DYTN: variants seen among roughly 807,000 people sequenced by gnomAD.
DYTN encodes the protein dystrotelin.
DYTN carries 75 observed loss-of-function variants against 69.6 expected under a neutral mutation model. The observed-to-expected ratio is 1.08, with a 90% CI of 0.89 to 1.31. The LOEUF (loss-of-function observed/expected upper bound fraction) is 1.31, where lower values mean the gene tolerates loss of function less well. Among genes scored for constraint, DYTN ranks in the 50% most tolerant of loss-of-function variants. The pLI is 0.00. For missense variants in DYTN, 726 were observed against 688.4 expected, an observed-to-expected ratio of 1.05 and a Z score of -0.61; for synonymous variants, 252 against 249.1, an observed-to-expected ratio of 1.01 and a Z score of -0.11.
At chr2:206,666,166 T>C (rs1699570108) in intron 9 of DYTN, 137 bp from the exon 10 acceptor site, 1 of 1,203,634 alleles carries the variant, frequency 8.3e-7, no homozygotes, top group Admixed American at 2.8e-5. Context: ...TGTTTTTTGT[T>C]GAGATGGAGC....
At chr2:206,700,053 G>T in intron 6 of DYTN, 92 bp downstream of exon 6, 2 of 1,567,172 alleles carry the variant, frequency 1.3e-6, no homozygotes, top group South Asian at 1.1e-5. Flanking sequence ...GCTATGTGGA[G>T]TAATAATAGG....
chr2:206,699,603 C>G (rs946598725), intron 7 of DYTN, 124 bp downstream of exon 7: 2 of 1,218,168 alleles, frequency 1.6e-6, no homozygotes, highest in Non-Finnish European at 2.2e-6. Context: ...AATCATTGAG[C>G]CAAAAAAGTC....
chr2:206,686,008 C>T (rs1699801981), intron 9 of DYTN, among the ~76,000 whole-genome samples: 1 of 149,800 alleles, frequency 6.7e-6, no homozygotes, highest in Admixed American at 6.6e-5. Flanking sequence ...AAAAGCTACA[C>T]ATTTCCAGTG....
chr2:206,702,835 T>C (rs921890873), intron 5 of DYTN, among the ~76,000 whole-genome samples: 2 of 152,192 alleles, frequency 1.3e-5, no homozygotes, highest in African/African-American at 4.8e-5. Flanking sequence ...CATAAAGATT[T>C]TGCGGATGAA....
chr2:206,700,592 A>G (rs1046714885), intron 5 of DYTN, among the ~76,000 whole-genome samples: 3 of 144,036 alleles, frequency 2.1e-5, no homozygotes, highest in Non-Finnish European at 3.0e-5. Flanking sequence ...GAGTTTTAAA[A>G]TATATATACT....
chr2:206,698,125 C>T (rs1328448931), intron 7 of DYTN, among the ~76,000 whole-genome samples: 1 of 152,060 alleles, frequency 6.6e-6, no homozygotes, highest in Non-Finnish European at 1.5e-5. Context: ...TTCAGATTTC[C>T]CCATTGTCCA....
chr2:206,652,064 A>T, intron 11 of DYTN, 143 bp from the exon 12 acceptor site: 3 of 668,508 alleles, frequency 4.5e-6, no homozygotes, highest in Non-Finnish European at 7.5e-6. Flanking sequence ...TTAGCCAGCA[A>T]ATAAGATGGC....
At chr2:206,685,270 T>C (rs945712976) in intron 9 of DYTN, among the ~76,000 whole-genome samples, 9 of 152,116 alleles carry the variant, frequency 5.9e-5, no homozygotes, top group Non-Finnish European at 1.0e-4. Context: ...CAAGCGATCC[T>C]CCCATCTCAG....
At chr2:206,707,639 G>GTCCA in intron 2 of DYTN, 136 bp from the exon 3 acceptor site, 1 of 812,308 alleles carries the variant, frequency 1.2e-6, no homozygotes, top group Non-Finnish European at 1.9e-6. Context: ...AATGAAATAT[G>GTCCA]ACTACTATTT....
rs190761606 is a variant in DYTN at position 206,698,825 on chromosome 2, T to C, written c.719+902A>G. Among the ~76,000 whole-genome samples the C allele has an allele frequency of 3.9e-5, 6 of 152,348 alleles. No homozygotes were observed. In the East Asian group the frequency reaches 1.2e-3, roughly 29 times the overall value. ...GAAGATCAAGCCTGAGTTGTTCTCATGAATGCTGATGATCTCTGTGAGTCT... is the reference window on the plus strand; with the variant it reads ...GAAGATCAAGCCTGAGTTGTTCTCACGAATGCTGATGATCTCTGTGAGTCT... On this transcript the variant is annotated intron_variant, in intron 7 of 11. Coordinates refer to ENST00000452335, the MANE Select transcript of DYTN (RefSeq NM_001093730.1).
At position 206,718,389 on chromosome 2, in the gene DYTN, A is replaced by T. The variant is rs542265665; in HGVS notation, c.-110T>A. 33 of 1,141,666 alleles carry T rather than the reference A, an allele frequency of 2.9e-5. No individual in the cohort carries two copies. In the East Asian group the frequency reaches 8.4e-4, roughly 29 times the overall value. The allele number at this position is 1,141,666 out of a possible 1,614,324, so 70.7% of individuals were successfully genotyped here. On this transcript the variant is annotated 5_prime_UTR_variant, in exon 1 of 12. Coordinates refer to ENST00000452335, the MANE Select transcript of DYTN (RefSeq NM_001093730.1). ...CAGAGGAATGAGGACAGGGGAACAA[A>T]AAGGCAACTAAACAAATCATTTTAC...
chr2:206,717,296 A>G (rs1700139095), intron 1 of DYTN, among the ~76,000 whole-genome samples: 2 of 152,210 alleles, frequency 1.3e-5, no homozygotes, highest in African/African-American at 2.4e-5. Flanking sequence ...ATATAATACA[A>G]TTCTTTCAAA....
In DYTN at chr2:206,710,617, A is replaced by G. The variant is rs1700071575; in HGVS notation, c.20-19T>C. On this transcript the variant is annotated intron_variant, in intron 1 of 11. Transcript: ENST00000452335. Reference sequence around the variant, plus strand: ...AGAGCATCTGTAAAGAAAACGTAAAATATTATGAATAAAGTCTCTCTCATT... The same window carrying G: ...AGAGCATCTGTAAAGAAAACGTAAAGTATTATGAATAAAGTCTCTCTCATT... The G allele has an allele frequency of 6.5e-7, 1 of 1,549,688 alleles. No individual in the cohort carries two copies. The highest frequency in any genetic ancestry group is 2.3e-5 in the East Asian group (1 of 43,972).
At chr2:206,685,723 G>C (rs13399922) in intron 9 of DYTN, among the ~76,000 whole-genome samples, 1 of 151,856 alleles carries the variant, frequency 6.6e-6, no homozygotes, top group Non-Finnish European at 1.5e-5. Context: ...CCCTGGGCAC[G>C]GGGCTCCTGC....
At chr2:206,651,951 G>T in intron 11 of DYTN, 30 bp from the exon 12 acceptor site, 1 of 1,586,468 alleles carries the variant, frequency 6.3e-7, no homozygotes, top group South Asian at 1.1e-5. Context: ...GAGTCATTTA[G>T]AGAAACATAC....
At chr2:206,716,664 A>AG (rs1700133323) in intron 1 of DYTN, among the ~76,000 whole-genome samples, 1 of 152,102 alleles carries the variant, frequency 6.6e-6, no homozygotes, top group East Asian at 1.9e-4. Context: ...AGAAAAAAAA[A>AG]ATTGAGAGTA....
At chr2:206,710,822 G>A (rs1053204338) in intron 1 of DYTN, among the ~76,000 whole-genome samples, 3 of 151,902 alleles carry the variant, frequency 2.0e-5, no homozygotes, top group South Asian at 2.1e-4. Flanking sequence ...AAAAAGTGAC[G>A]GAATACTCCA....
At chr2:206,694,490 C>T (rs1699898335) in intron 8 of DYTN, among the ~76,000 whole-genome samples, 1 of 152,196 alleles carries the variant, frequency 6.6e-6, no homozygotes, top group Admixed American at 6.5e-5. Flanking sequence ...TAACTCTTCA[C>T]TGACATTTTC....
At chr2:206,665,408 TTTAA>T (rs1699558746) in intron 10 of DYTN, among the ~76,000 whole-genome samples, 1 of 151,786 alleles carries the variant, frequency 6.6e-6, no homozygotes, top group Non-Finnish European at 1.5e-5. Flanking sequence ...ACAACTCAGT[TTTAA>T]TTTTCAGTAA....
Sources: allele counts gnomAD v4.1 joint callset (sites outside exome capture counted in the v4.1 genomes callset), GRCh38; gene constraint gnomAD v4.1.1; transcripts MANE v1.5; gene names NCBI Gene and HGNC (gene_info 2026-07-23, HGNC 2026-07-21).